The following RAB3C variants were observed in gnomAD, a reference collection of about 807,000 sequenced individuals.
RAB3C encodes the protein ras-related protein Rab-3C.
Under a neutral mutation model 26.4 loss-of-function variants are expected in RAB3C, and 17 were observed. That is an observed-to-expected ratio of 0.64 (90% CI 0.44 to 0.97). RAB3C has a LOEUF of 0.97. Ranked by LOEUF, RAB3C falls within the 50% of genes least tolerant of loss-of-function variation. The probability of loss-of-function intolerance (pLI) is 0.00; values close to 1 mark genes in which losing one functional copy is unlikely to be tolerated. For missense variants in RAB3C, 242 were observed against 281.9 expected (o/e 0.86, Z 1.01); for synonymous variants, 91 against 95.9 (o/e 0.95, Z 0.30).
At chr5:58,708,463 G>A (rs973780567) in intron 2 of RAB3C, among the ~76,000 whole-genome samples, 6 of 152,160 alleles carry the variant, frequency 3.9e-5, no homozygotes, top group African/African-American at 7.2e-5. Context: ...TTATTAGCAC[G>A]GCATGATCAT....
chr5:58,738,888 C>T (rs1221991407), intron 3 of RAB3C, among the ~76,000 whole-genome samples: 1 of 152,138 alleles, frequency 6.6e-6, no homozygotes, highest in Non-Finnish European at 1.5e-5. Flanking sequence ...TGCATATCCT[C>T]TTTTCTTTGA....
chr5:58,609,265 G>T (rs1161612359), intron 1 of RAB3C, among the ~76,000 whole-genome samples: 1 of 152,090 alleles, frequency 6.6e-6, no homozygotes, highest in African/African-American at 2.4e-5. Flanking sequence ...AAATTCCAGG[G>T]GGTGCCAGTC....
At chr5:58,718,998 A>G (rs893532165) in intron 2 of RAB3C, among the ~76,000 whole-genome samples, 3 of 152,038 alleles carry the variant, frequency 2.0e-5, no homozygotes, top group African/African-American at 7.2e-5. Context: ...TAAAAATGCA[A>G]CTTGGGAGAA....
intron 4 of RAB3C, among the ~76,000 whole-genome samples, chr5:58,826,481 G>A (rs1362243025): frequency 6.6e-6 from 1 of 152,094 alleles, no homozygotes; most frequent in African/African-American, 2.4e-5. Flanking sequence ...AATTCTTTTT[G>A]TTTTTTGTTT....
At chr5:58,701,953 T>C (rs1472852727) in intron 2 of RAB3C, among the ~76,000 whole-genome samples, 3 of 152,148 alleles carry the variant, frequency 2.0e-5, no homozygotes, top group African/African-American at 7.2e-5. Context: ...GGTTTGGAGA[T>C]TGGAAAGTAG....
intron 3 of RAB3C, among the ~76,000 whole-genome samples, chr5:58,758,068 A>G (rs1348225229): frequency 1.3e-5 from 2 of 152,062 alleles, no homozygotes; most frequent in Non-Finnish European, 2.9e-5. Flanking sequence ...CAGCCTCCCA[A>G]GTAGCTGGGA....
chr5:58,609,277 T>G (rs1480934324), intron 1 of RAB3C, among the ~76,000 whole-genome samples: 1 of 152,104 alleles, frequency 6.6e-6, no homozygotes, highest in African/African-American at 2.4e-5. Flanking sequence ...GTGCCAGTCT[T>G]GGGGAGCCCC....
At chr5:58,758,138 G>A (rs1408725207) in intron 3 of RAB3C, among the ~76,000 whole-genome samples, 1 of 152,036 alleles carries the variant, frequency 6.6e-6, no homozygotes, top group East Asian at 1.9e-4. Flanking sequence ...TAGAGATGGG[G>A]TTTCACTGTG....
chr5:58,729,851 A>G lies in RAB3C; in HGVS notation c.371+3731A>G, dbSNP rs543055532. On this transcript the variant is annotated intron_variant, in intron 3 of 4. Coordinates refer to ENST00000282878, the MANE Select transcript of RAB3C (RefSeq NM_138453.4). The stretch of plus-strand genomic sequence containing the variant: ...ATTTATATTATATATACACATATAC[A>G]TATACTATATGTATATTTATATTAT... Among the ~76,000 whole-genome samples, 155 of 146,186 alleles carry G rather than the reference A, an allele frequency of 1.1e-3. 1 individual carries two copies. Among genetic ancestry groups the G allele is most frequent in the Non-Finnish European group, 1.8e-3 (122 of 66,304 alleles).
chr5:58,604,770 G>A (rs1305485975), intron 1 of RAB3C, among the ~76,000 whole-genome samples: 1 of 152,312 alleles, frequency 6.6e-6, no homozygotes. Context: ...TTCTTCCCCA[G>A]CCTGTGAAGT....
intron 3 of RAB3C, among the ~76,000 whole-genome samples, chr5:58,729,202 A>G (rs1740949736): frequency 6.6e-6 from 1 of 151,998 alleles, no homozygotes; most frequent in South Asian, 2.1e-4. Flanking sequence ...ATTACAGAAT[A>G]CAGTACAATA....
At chr5:58,732,291 T>G (rs920317724) in intron 3 of RAB3C, among the ~76,000 whole-genome samples, 7 of 151,600 alleles carry the variant, frequency 4.6e-5, no homozygotes, top group Non-Finnish European at 8.8e-5. Flanking sequence ...GCCAAAAAAA[T>G]TTTTTTATAT....
At chr5:58,661,044 A>G (rs1747894892) in intron 2 of RAB3C, among the ~76,000 whole-genome samples, 1 of 150,078 alleles carries the variant, frequency 6.7e-6, no homozygotes, top group Non-Finnish European at 1.5e-5. Context: ...AAATCAAAAC[A>G]TGATAATGTT....
chr5:58,747,587 G>A (rs1741427118), intron 3 of RAB3C, among the ~76,000 whole-genome samples: 3 of 151,980 alleles, frequency 2.0e-5, no homozygotes, highest in South Asian at 2.1e-4. Context: ...ATTATTTCTG[G>A]CAAAAGCAAG....
At chr5:58,710,673 A>G (rs1281196387) in intron 2 of RAB3C, among the ~76,000 whole-genome samples, 1 of 151,880 alleles carries the variant, frequency 6.6e-6, no homozygotes, top group African/African-American at 2.4e-5. Context: ...AGCTTTTCCA[A>G]CGTTGACACC....
intron 2 of RAB3C, among the ~76,000 whole-genome samples, chr5:58,687,348 G>C (rs1219120575): frequency 6.6e-6 from 1 of 152,128 alleles, no homozygotes; most frequent in African/African-American, 2.4e-5. Context: ...GTGCATGGTA[G>C]ACAGCTGGAG....
chr5:58,589,803 T>G (rs993464230), intron 1 of RAB3C, among the ~76,000 whole-genome samples: 2 of 152,182 alleles, frequency 1.3e-5, no homozygotes, highest in African/African-American at 4.8e-5. Context: ...TCCAATCTAA[T>G]TACAATACCT....
chr5:58,838,553 GATACTTAATATAATTTTAGTTTTTAAA>G (rs1743799785), intron 4 of RAB3C, among the ~76,000 whole-genome samples: 3 of 152,060 alleles, frequency 2.0e-5, no homozygotes, highest in Non-Finnish European at 2.9e-5. Flanking sequence ...GGTCAGGTAA[GATACTTAATATAATTTTAGTTTTTAAA>G]AATTTGTTAA....
At chr5:58,747,174 C>T (rs1867730) in intron 3 of RAB3C, among the ~76,000 whole-genome samples, 20,829 of 152,050 alleles carry the variant, frequency 0.14, 1,515 homozygotes, top group Admixed American at 0.19. Flanking sequence ...CAACAATAAA[C>T]ATAGATTATG....
Sources: gnomAD v4.1 joint callset for allele counts (sites outside exome capture counted in the v4.1 genomes callset) on GRCh38, gnomAD v4.1.1 for gene constraint, MANE v1.5 for transcripts, NCBI Gene and HGNC (gene_info 2026-07-23, HGNC 2026-07-21) for gene names.